SASH1: variants seen among roughly 807,000 people sequenced by gnomAD.
SASH1 encodes SAM and SH3 domain-containing protein 1.
In SASH1, 44 loss-of-function variants were observed where a neutral mutation model predicts 125.2. The observed-to-expected ratio is 0.35, with a 90% CI of 0.28 to 0.45. The LOEUF (loss-of-function observed/expected upper bound fraction) is 0.45. Among genes scored for constraint, SASH1 ranks in the 20% least tolerant of loss-of-function variants. The pLI, the probability that SASH1 is intolerant of heterozygous loss-of-function variation, is 1.00. For missense variants in SASH1, 1,426 were observed against 1,614.5 expected (o/e 0.88, Z 2.00); for synonymous variants, 639 against 649.1 (o/e 0.98, Z 0.24).
At chr6:148,197,387 A>T in the SASH1 span, among the ~76,000 whole-genome samples, 1 of 152,216 alleles carries the variant, frequency 6.6e-6, no homozygotes, top group Non-Finnish European at 1.5e-5. Flanking sequence ...TTTGCTCAGG[A>T]TAAGAGAGAA....
At chr6:148,282,571 G>C (rs923807687) in intron 1 of SASH1, among the ~76,000 whole-genome samples, 4 of 151,890 alleles carry the variant, frequency 2.6e-5, no homozygotes, top group African/African-American at 7.3e-5. Flanking sequence ...CAATAGAGAC[G>C]GGGTTTCACT....
At chr6:148,436,888 C>T (rs540103283) in intron 2 of SASH1, among the ~76,000 whole-genome samples, 4 of 152,172 alleles carry the variant, frequency 2.6e-5, no homozygotes, top group Middle Eastern at 3.2e-3. Flanking sequence ...ATGAAACAGT[C>T]GGTGTATGTT....
chr6:148,527,998 G>GAC (rs1781292850), intron 12 of SASH1, among the ~76,000 whole-genome samples: 1 of 134,770 alleles, frequency 7.4e-6, no homozygotes, highest in Non-Finnish European at 1.6e-5. Flanking sequence ...TGGGGGGGGG[G>GAC]GTGGCAGTAG....
chr6:148,242,013 C>T, the SASH1 span, among the ~76,000 whole-genome samples: 6 of 152,186 alleles, frequency 3.9e-5, no homozygotes, highest in African/African-American at 1.4e-4. Context: ...GATTTCATAT[C>T]TGATAGAAAG....
chr6:148,248,773 C>A, the SASH1 span, among the ~76,000 whole-genome samples: 1 of 152,158 alleles, frequency 6.6e-6, no homozygotes, highest in Admixed American at 6.5e-5. Flanking sequence ...CTGTGTTTCC[C>A]AAGGGGAAGA....
At chr6:148,530,704 A>G (rs1781462865) in intron 12 of SASH1, among the ~76,000 whole-genome samples, 1 of 152,232 alleles carries the variant, frequency 6.6e-6, no homozygotes, top group Admixed American at 6.5e-5. Context: ...GCAAGTAAAC[A>G]ATTCTCACTG....
At chr6:148,254,764 T>TAA in the SASH1 span, among the ~76,000 whole-genome samples, 1 of 152,184 alleles carries the variant, frequency 6.6e-6, no homozygotes, top group Non-Finnish European at 1.5e-5. Context: ...GGTGAGAATG[T>TAA]AAAATGGTGC....
intron 1 of SASH1, among the ~76,000 whole-genome samples, chr6:148,290,632 C>T (rs921342304): frequency 2.0e-5 from 3 of 151,916 alleles, no homozygotes; most frequent in Middle Eastern, 3.4e-3. Context: ...AAGGGCGGTG[C>T]AAGATGTGCT....
the SASH1 span, among the ~76,000 whole-genome samples, chr6:148,230,729 T>G: frequency 6.6e-6 from 1 of 152,218 alleles, no homozygotes; most frequent in Non-Finnish European, 1.5e-5. Flanking sequence ...GGTATCTCAT[T>G]GTGGTTTTGA....
chr6:148,534,299 G>A (rs1312144269), intron 15 of SASH1, among the ~76,000 whole-genome samples: 5 of 152,052 alleles, frequency 3.3e-5, no homozygotes, highest in African/African-American at 9.7e-5. Context: ...GAAACTCTGC[G>A]CCCACCTCTC....
chr6:148,263,202 T>A, the SASH1 span, among the ~76,000 whole-genome samples: 1 of 152,188 alleles, frequency 6.6e-6, no homozygotes, highest in Non-Finnish European at 1.5e-5. Flanking sequence ...GAATATGCAG[T>A]AACTGAAGCC....
chr6:148,302,577 G>A (rs1490648084), intron 1 of SASH1, among the ~76,000 whole-genome samples: 2 of 123,926 alleles, frequency 1.6e-5, no homozygotes, highest in African/African-American at 6.4e-5. Context: ...TCTCCATGCT[G>A]CAGAAATTAT....
chr6:148,256,756 G>C, the SASH1 span, among the ~76,000 whole-genome samples: 2 of 152,162 alleles, frequency 1.3e-5, no homozygotes, highest in African/African-American at 4.8e-5. Context: ...TCTGCATCTT[G>C]ATTATGGTAT....
At position 148,534,422 on chromosome 6, in the gene SASH1, T is replaced by A. The variant is rs548693162; in HGVS notation, c.1945-329T>A. On this transcript the variant is annotated intron_variant, in intron 15 of 19. Coordinates refer to ENST00000367467, the MANE Select transcript of SASH1 (RefSeq NM_015278.5). ...TAAAAGCTGGATTTTAATAGCTCTG[T>A]AAGTGGAGGAGGAGTCTCCTCTGTT... Among the ~76,000 whole-genome samples the A allele has an allele frequency of 5.9e-5, 9 of 152,316 alleles. No individual in the cohort carries two copies. In the East Asian group the frequency reaches 1.7e-3, roughly 29 times the overall value.
intron 1 of SASH1, among the ~76,000 whole-genome samples, chr6:148,352,541 G>A (rs1168449974): frequency 6.6e-6 from 1 of 151,720 alleles, no homozygotes; most frequent in Non-Finnish European, 1.5e-5. Context: ...AGGTTGCAGT[G>A]AGCCAAGATC....
intron 2 of SASH1, among the ~76,000 whole-genome samples, chr6:148,431,108 G>T (rs768213730): frequency 2.6e-5 from 4 of 152,206 alleles, no homozygotes; most frequent in Non-Finnish European, 5.9e-5. Context: ...AAGTGGAATG[G>T]ATTCACTGGA....
chr6:148,434,368 C>T (rs994074912), intron 2 of SASH1, among the ~76,000 whole-genome samples: 5 of 152,136 alleles, frequency 3.3e-5, no homozygotes, highest in Admixed American at 2.0e-4. Flanking sequence ...AGCCACCGTG[C>T]GCGGCCTGGA....
chr6:148,326,365 TATA>T (rs1780820942), intron 1 of SASH1, among the ~76,000 whole-genome samples: 2 of 87,042 alleles, frequency 2.3e-5, no homozygotes, highest in Admixed American at 1.4e-4. Flanking sequence ...TATGCATATA[TATA>T]TATATACATT....
At chr6:148,327,993 T>G (rs553044306) in intron 1 of SASH1, among the ~76,000 whole-genome samples, 8 of 150,210 alleles carry the variant, frequency 5.3e-5, no homozygotes, top group African/African-American at 2.0e-4. Flanking sequence ...AAAAGTAAAC[T>G]GAGTGGCAAA....
Sources: allele counts gnomAD v4.1 joint callset (sites outside exome capture counted in the v4.1 genomes callset), GRCh38; gene constraint gnomAD v4.1.1; transcripts MANE v1.5; gene names NCBI Gene and HGNC (gene_info 2026-07-23, HGNC 2026-07-21).